Variants in GPR78 observed in about 807,000 individuals in gnomAD.
The protein encoded by GPR78 is G protein-coupled receptor 78.
Under a neutral mutation model 17.9 loss-of-function variants are expected in GPR78, and 29 were observed. That is an observed-to-expected ratio of 1.62 (90% CI 1.20 to 2.21). The LOEUF is 2.21. Ranked by LOEUF, GPR78 falls within the 30% of genes most tolerant of loss-of-function variation. The probability of loss-of-function intolerance (pLI) is 0.00; values close to 1 mark genes in which losing one functional copy is unlikely to be tolerated. For synonymous variants in GPR78, 349 were observed against 256.9 expected, an observed-to-expected ratio of 1.36 and a Z score of -3.43; for missense variants, 649 against 530.5, an observed-to-expected ratio of 1.22 and a Z score of -2.19.
At chr4:8,586,683 T>G (rs1394999774) in intron 2 of GPR78, among the ~76,000 whole-genome samples, 1 of 152,206 alleles carries the variant, frequency 6.6e-6, no homozygotes, top group African/African-American at 2.4e-5. Context: ...GTAGTGGTAA[T>G]GGCTCCCTCG....
At position 8,580,647 on chromosome 4, in the gene GPR78, C is replaced by G. The variant is rs1220727310; in HGVS notation, c.-336C>G. On this transcript the variant is annotated 5_prime_UTR_variant, in exon 1 of 3. Transcript: ENST00000382487. The stretch of plus-strand genomic sequence containing the variant: ...AGTGTTAGGAAAGAGACCTCCCTCG[C>G]CCCTACGCCCCGCGCCCCTGCGCCT... The G allele has an allele frequency of 4.8e-6, 2 of 413,784 alleles. No homozygotes were observed. Among genetic ancestry groups the G allele is most frequent in the Non-Finnish European group, 8.5e-6 (2 of 234,150 alleles). The allele number at this position is 413,784 out of a possible 1,614,324, so 25.6% of individuals were successfully genotyped here.
In GPR78 at chr4:8,582,457, C is replaced by A. The variant is rs995548659; in HGVS notation, c.669-74C>A. ...GAAACCCTCCTGTCTGCCCTCACTTCAGCCCCTGGGCTCTGGGCCTGGGTT... is the reference window on the plus strand; with the variant it reads ...GAAACCCTCCTGTCTGCCCTCACTTAAGCCCCTGGGCTCTGGGCCTGGGTT... On this transcript the variant is annotated intron_variant, in intron 1 of 2. Transcript: ENST00000382487. 4 of 990,830 alleles carry A rather than the reference C, an allele frequency of 4.0e-6. No homozygotes were observed. The South Asian group carries it at 5.4e-5, about 13-fold the overall frequency. The allele number at this position is 990,830 out of a possible 1,614,324, so 61.4% of individuals were successfully genotyped here. A position where few individuals can be genotyped will look rare whatever the true frequency, so the allele number is the denominator to read the frequency against.
intron 2 of GPR78, 65 bp downstream of exon 2, chr4:8,582,709 G>T: frequency 9.6e-7 from 1 of 1,046,874 alleles, no homozygotes. Context: ...CAGTTGAGTA[G>T]GCCTCTGAGG....
chr4:8,588,915 A>C lies in GPR78; in HGVS notation c.*1552A>C, dbSNP rs1383987691. On this transcript the variant is annotated 3_prime_UTR_variant, in exon 3 of 3. Transcript: ENST00000382487. Reference sequence around the variant, plus strand: ...AGGGTCTGACTCTGTTGCCTAGGCTAGAGTGCAGTGGTGCAATCTCAGCTC... The same window carrying C: ...AGGGTCTGACTCTGTTGCCTAGGCTCGAGTGCAGTGGTGCAATCTCAGCTC... Among the ~76,000 whole-genome samples, 1 of 152,216 alleles carries C rather than the reference A, an allele frequency of 6.6e-6. No individual in the cohort carries two copies. The highest frequency in any genetic ancestry group is 1.5e-5 in the Non-Finnish European group (1 of 68,044).
intron 2 of GPR78, chr4:8,582,903 A>G (rs1307246925): frequency 2.5e-6 from 1 of 395,418 alleles, no homozygotes; most frequent in Non-Finnish European, 4.6e-6. Flanking sequence ...GGGTCTGTGA[A>G]TCAGCACCTG....
intron 2 of GPR78, among the ~76,000 whole-genome samples, chr4:8,584,283 A>T (rs1475922508): frequency 6.6e-6 from 1 of 152,232 alleles, no homozygotes; most frequent in African/African-American, 2.4e-5. Context: ...TGCCCTGAAC[A>T]TGTATGTGAG....
chr4:8,585,755 C>T lies in GPR78; in HGVS notation c.783-1299C>T, dbSNP rs115019906. On this transcript the variant is annotated intron_variant, in intron 2 of 2. Coordinates refer to ENST00000382487, the MANE Select transcript of GPR78 (RefSeq NM_080819.5). ...TCTCTGTCGTCACATTCTGGCCCTG[C>T]CCCTCAGCTTGAGGTGGTTGCCTGC... is the stretch of plus-strand genomic sequence containing the variant. 1.2e-3 allele frequency among the ~76,000 whole-genome samples: 181 copies of T among 152,246 alleles called. 1 individual carries two copies. Among genetic ancestry groups the T allele is most frequent in the African/African-American group, 4.2e-3 (175 of 41,546 alleles).
chr4:8,587,131 C>T lies in GPR78; in HGVS notation c.860C>T (p.Ala287Val), dbSNP rs1308795803. ...AGCAAGTGCCTGACCTACAGCAAGG[C>T]GGTGGCCGACCCGTTCACGTACTCT... The part of the protein sequence containing the change: ...ILSKCLTYSK[A>V]VADPFTYSLL... The change falls in exon 3 of 3, where the codon GCG becomes GTG. Residue 287 changes from alanine to valine, a missense_variant. Ala to Val is a moderately conservative substitution (Grantham distance 64, BLOSUM62 0). Transcript: ENST00000382487. 25 of 1,613,284 alleles carry T rather than the reference C, an allele frequency of 1.5e-5. No individual in the cohort carries two copies. Among genetic ancestry groups the T allele is most frequent in the Middle Eastern group, 1.6e-4 (1 of 6,084 alleles).
chr4:8,582,982 C>T (rs954188628), intron 2 of GPR78: 7 of 195,614 alleles, frequency 3.6e-5, no homozygotes, highest in Non-Finnish European at 3.1e-5. Flanking sequence ...GACTCCGCAT[C>T]TCCTGGGCGT....
chr4:8,585,748 G>A (rs1713479173), intron 2 of GPR78, among the ~76,000 whole-genome samples: 2 of 151,886 alleles, frequency 1.3e-5, no homozygotes, highest in African/African-American at 4.8e-5. Context: ...GTCACATTCT[G>A]GCCCTGCCCC....
intron 2 of GPR78, among the ~76,000 whole-genome samples, chr4:8,585,816 C>T (rs116603676): frequency 0.016 from 2,510 of 152,282 alleles, 66 homozygotes; most frequent in African/African-American, 0.056. Flanking sequence ...CCCATCCCGC[C>T]GGACTGGGTG....
intron 1 of GPR78, 50 bp downstream of exon 1, chr4:8,581,700 C>G (rs1247334623): frequency 7.3e-7 from 1 of 1,366,568 alleles, no homozygotes. Context: ...CTTGGGCGCT[C>G]CCTGGGCAGT....
intron 2 of GPR78, 100 bp from the exon 3 acceptor site, chr4:8,586,954 G>A (rs1165961448): frequency 2.2e-5 from 22 of 1,021,912 alleles, no homozygotes; most frequent in East Asian, 9.9e-5. Flanking sequence ...TCAGGGCTGC[G>A]GTACGTACTT....
At position 8,581,345 on chromosome 4, in the gene GPR78, C is replaced by CT. The variant is rs1713274927; in HGVS notation, c.364dup (p.Tyr122LeufsTer44). 6.3e-7 allele frequency: 1 copy of CT among 1,576,944 alleles called. No individual in the cohort carries two copies. Among genetic ancestry groups the CT allele is most frequent in the Non-Finnish European group, 8.6e-7 (1 of 1,167,642 alleles). On this transcript the variant is annotated frameshift_variant, in exon 1 of 3. Coordinates refer to ENST00000382487, the MANE Select transcript of GPR78 (RefSeq NM_080819.5). LOFTEE classifies it high-confidence loss of function. ...GCTACGCCGGACGCCTGCGACCGCG[C>CT]TATGCCGGCCTGCTGCTGGGCTGTG... is the stretch of plus-strand genomic sequence containing the variant.
At chr4:8,582,983 T>G in intron 2 of GPR78, 1 of 193,240 alleles carries the variant, frequency 5.2e-6, no homozygotes, top group Non-Finnish European at 1.1e-5. Context: ...ACTCCGCATC[T>G]CCTGGGCGTG....
Position 8,581,363 on chromosome 4 carries a change from G to A in GPR78, c.381G>A (p.Leu127=). 1 of 1,581,512 alleles carries A rather than the reference G, an allele frequency of 6.3e-7. No individual in the cohort carries two copies. The highest frequency in any genetic ancestry group is 8.6e-7 in the Non-Finnish European group (1 of 1,169,566). The change falls in exon 1 of 3, where the codon CTG becomes CTA. Residue 127 remains leucine (L), a synonymous_variant. Coordinates refer to ENST00000382487, the MANE Select transcript of GPR78 (RefSeq NM_080819.5). The part of the protein sequence containing the change: ...RLRPRYAGLL[L]GCAWGQSLAF... ...GACCGCGCTATGCCGGCCTGCTGCTGGGCTGTGCCTGGGGACAGTCGCTGG... is the reference window on the plus strand; with the variant it reads ...GACCGCGCTATGCCGGCCTGCTGCTAGGCTGTGCCTGGGGACAGTCGCTGG...
At chr4:8,586,416 G>T (rs1393362103) in intron 2 of GPR78, among the ~76,000 whole-genome samples, 1 of 152,218 alleles carries the variant, frequency 6.6e-6, no homozygotes, top group Non-Finnish European at 1.5e-5. Flanking sequence ...CTTCGGGACA[G>T]TGGGTAGGGA....
In GPR78 at chr4:8,587,603, C is replaced by G. The variant is rs1713568200; in HGVS notation, c.*240C>G. ...GGTGGCCCCGGGACAGTGGCTTTTC[C>G]TCTCTGAACCTTAGCTTCCTCACCC... On this transcript the variant is annotated 3_prime_UTR_variant, in exon 3 of 3. Coordinates refer to ENST00000382487, the MANE Select transcript of GPR78 (RefSeq NM_080819.5). 3.4e-6 allele frequency: 2 copies of G among 583,942 alleles called. No homozygotes were observed. Among genetic ancestry groups the G allele is most frequent in the East Asian group, 2.8e-5 (1 of 35,174 alleles). 36.2% of individuals were successfully genotyped at this position (583,942 alleles called of 1,614,324 possible).
Position 8,581,215 on chromosome 4 carries a change from C to G in GPR78, c.233C>G (p.Ala78Gly). The change falls in exon 1 of 3, where the codon GCA (alanine) becomes GGA (glycine). Residue 78 changes from alanine to glycine, a missense_variant. Coordinates refer to ENST00000382487, the MANE Select transcript of GPR78 (RefSeq NM_080819.5). The stretch of plus-strand genomic sequence containing the variant: ...GGGCGGACACCGTCGGCGCCCGGCG[C>G]ATGCCAAGTCATTGGCTTCCTGGAC... ...MRGRTPSAPG[A>G]CQVIGFLDTF... is the part of the protein sequence containing the mutation. The G allele has an allele frequency of 6.3e-7, 1 of 1,598,284 alleles. No individual in the cohort carries two copies. The highest frequency in any genetic ancestry group is 2.2e-5 in the East Asian group (1 of 44,748).
Sources: gnomAD v4.1 joint callset for allele counts (sites outside exome capture counted in the v4.1 genomes callset) on GRCh38, gnomAD v4.1.1 for gene constraint, MANE v1.5 for transcripts, NCBI Gene and HGNC (gene_info 2026-07-23, HGNC 2026-07-21) for gene names.